Variants in GRM1 observed in about 807,000 individuals in gnomAD.
GRM1 encodes metabotropic glutamate receptor 1.
GRM1 carries 33 observed loss-of-function variants against 90.9 expected under a neutral mutation model. That is an observed-to-expected ratio of 0.36 (90% CI 0.28 to 0.49). The LOEUF (loss-of-function observed/expected upper bound fraction) is 0.49. Ranked by LOEUF, GRM1 falls within the 20% of genes least tolerant of loss-of-function variation. The pLI is 0.99. For missense variants in GRM1, 1,190 were observed against 1,534.3 expected, an observed-to-expected ratio of 0.78 and a Z score of 3.75; for synonymous variants, 700 against 613.2, an observed-to-expected ratio of 1.14 and a Z score of -2.09.
chr6:146,160,001 A>G (rs558494656), intron 2 of GRM1: 1 of 167,466 alleles, frequency 6.0e-6, no homozygotes, highest in Admixed American at 5.6e-5. Flanking sequence ...CAGAAAAAAA[A>G]AAAAGATGGA....
rs1325039499 is a variant in GRM1 at position 146,214,821 on chromosome 6, C to G, written c.950+55224C>G. On this transcript the variant is annotated intron_variant, in intron 2 of 7. Coordinates refer to ENST00000282753, the MANE Select transcript of GRM1 (RefSeq NM_001278064.2). Reference sequence around the variant, plus strand: ...ACCAGAGAGGGAAATGCATGAAGTTCAGTGAGGAATGGCCAGTCTGAGGGC... The same window carrying G: ...ACCAGAGAGGGAAATGCATGAAGTTGAGTGAGGAATGGCCAGTCTGAGGGC... Among the ~76,000 whole-genome samples, 4 of 151,990 alleles carry G rather than the reference C, an allele frequency of 2.6e-5. No individual in the cohort carries two copies. In the East Asian group the frequency reaches 7.7e-4, roughly 29 times the overall value.
chr6:146,398,891 C>G lies in GRM1; in HGVS notation c.1852C>G (p.Arg618Gly). The part of the protein sequence containing the change: ...LFVTLIFVLY[R>G]DTPVVKSSSR... Reference sequence around the variant, plus strand: ...TGTCACCCTAATCTTTGTACTGTACCGGGACACACCAGTGGTCAAATCCTC... The same window carrying G: ...TGTCACCCTAATCTTTGTACTGTACGGGGACACACCAGTGGTCAAATCCTC... The change falls in exon 7 of 8, where the codon CGG (arginine) becomes GGG (glycine). Residue 618 changes from arginine to glycine, a missense_variant. Transcript: ENST00000282753. The G allele has an allele frequency of 6.2e-7, 1 of 1,613,768 alleles. No individual in the cohort carries two copies. Among genetic ancestry groups the G allele is most frequent in the Non-Finnish European group, 8.5e-7 (1 of 1,179,794 alleles).
intron 4 of GRM1, 123 bp from the exon 5 acceptor site, chr6:146,357,403 G>T: frequency 1.3e-6 from 1 of 762,160 alleles, no homozygotes; most frequent in Admixed American, 2.0e-5. Flanking sequence ...TAAAATATTG[G>T]CAGTAGCTGA....
At chr6:146,208,683 G>A (rs1022403700) in intron 2 of GRM1, among the ~76,000 whole-genome samples, 6 of 152,006 alleles carry the variant, frequency 3.9e-5, no homozygotes, top group Admixed American at 3.9e-4. Flanking sequence ...ATACATATAT[G>A]TATGAAATGC....
Position 146,352,479 on chromosome 6 carries a change from A to G in GRM1, c.1416A>G (p.Lys472=). The change falls in exon 4 of 8, where the codon AAA becomes AAG. Residue 472 remains lysine (K), a synonymous_variant. Transcript: ENST00000282753. ...VSGEEVWFDE[K]GDAPGRYDIM... Reference sequence around the variant, plus strand: ...GAGAGGAGGTGTGGTTTGATGAGAAAGGAGACGCTCCTGGAAGGTAATCTT... The same window carrying G: ...GAGAGGAGGTGTGGTTTGATGAGAAGGGAGACGCTCCTGGAAGGTAATCTT... 5.6e-6 allele frequency: 9 copies of G among 1,613,950 alleles called. No individual in the cohort carries two copies. Among genetic ancestry groups the G allele is most frequent in the Non-Finnish European group, 7.6e-6 (9 of 1,179,860 alleles).
intron 2 of GRM1, among the ~76,000 whole-genome samples, chr6:146,275,964 T>C (rs9497519): frequency 0.21 from 31,643 of 151,768 alleles, 7,289 homozygotes; most frequent in African/African-American, 0.58. Flanking sequence ...TTCCAATAGA[T>C]GAGGAAGAGA....
chr6:146,259,499 C>G (rs1383155484), intron 2 of GRM1, among the ~76,000 whole-genome samples: 1 of 152,120 alleles, frequency 6.6e-6, no homozygotes, highest in Admixed American at 6.6e-5. Context: ...ATTGTACTCT[C>G]TGCTTTTATG....
intron 7 of GRM1, among the ~76,000 whole-genome samples, chr6:146,416,777 G>T (rs114615044): frequency 0.013 from 1,960 of 152,164 alleles, 47 homozygotes; most frequent in African/African-American, 0.045. Flanking sequence ...GGGTTCCGAT[G>T]GTGTACTTGA....
intron 1 of GRM1, among the ~76,000 whole-genome samples, chr6:146,109,953 G>A (rs1775492959): frequency 6.6e-6 from 1 of 152,214 alleles, no homozygotes; most frequent in Non-Finnish European, 1.5e-5. Context: ...TGGAATGGCT[G>A]TATTTTCCCA....
intron 1 of GRM1, among the ~76,000 whole-genome samples, chr6:146,097,436 CAAGT>C (rs1397063819): frequency 2.0e-5 from 3 of 152,056 alleles, no homozygotes; most frequent in Admixed American, 6.6e-5. Flanking sequence ...CCTAAAATAA[CAAGT>C]AAGTGTCAGT....
chr6:146,261,520 A>G (rs1781696550), intron 2 of GRM1, among the ~76,000 whole-genome samples: 1 of 152,176 alleles, frequency 6.6e-6, no homozygotes, highest in Non-Finnish European at 1.5e-5. Flanking sequence ...TTCTAAACTA[A>G]TTCTGACTGT....
At chr6:146,179,691 G>C (rs1348592402) in intron 2 of GRM1, among the ~76,000 whole-genome samples, 1 of 152,050 alleles carries the variant, frequency 6.6e-6, no homozygotes, top group Non-Finnish European at 1.5e-5. Context: ...TTTATTTTTT[G>C]TATTTTTAGT....
intron 1 of GRM1, among the ~76,000 whole-genome samples, chr6:146,156,912 G>C (rs1008265448): frequency 6.6e-6 from 1 of 152,186 alleles, no homozygotes; most frequent in Non-Finnish European, 1.5e-5. Flanking sequence ...TAGATGTCTG[G>C]AAGAAGTAGA....
chr6:146,191,415 G>A (rs554262280), intron 2 of GRM1, among the ~76,000 whole-genome samples: 1 of 152,070 alleles, frequency 6.6e-6, no homozygotes, highest in Non-Finnish European at 1.5e-5. Flanking sequence ...TTTCCTCTTC[G>A]GTGATTCCTC....
In GRM1 at chr6:146,426,964, T is replaced by C. The variant is rs190536930; in HGVS notation, c.2661-6908T>C. The stretch of plus-strand genomic sequence containing the variant: ...TTTCCCCCTTCAGAAATTTGTCAGC[T>C]TCTCCTTGGCAAACAGAGCTCTTTC... On this transcript the variant is annotated intron_variant, in intron 7 of 7. Transcript: ENST00000282753. Among the ~76,000 whole-genome samples the C allele has an allele frequency of 2.0e-5, 3 of 152,336 alleles. No homozygotes were observed. In the East Asian group the frequency reaches 5.8e-4, roughly 29 times the overall value.
At chr6:146,070,517 G>A (rs1775987260) in intron 1 of GRM1, among the ~76,000 whole-genome samples, 1 of 152,036 alleles carries the variant, frequency 6.6e-6, no homozygotes, top group Non-Finnish European at 1.5e-5. Context: ...ATTGGATCAC[G>A]GCATCTCCCA....
chr6:146,159,681 G>A (rs1173996202), intron 2 of GRM1, 84 bp downstream of exon 2: 14 of 1,394,598 alleles, frequency 1.0e-5, no homozygotes, highest in Non-Finnish European at 1.4e-5. Flanking sequence ...AAACACATAT[G>A]CTTGCTTTCA....
intron 7 of GRM1, among the ~76,000 whole-genome samples, chr6:146,400,926 T>G (rs1777135870): frequency 6.6e-6 from 1 of 152,132 alleles, no homozygotes; most frequent in African/African-American, 2.4e-5. Flanking sequence ...TATTTATTAT[T>G]ATTATTTTCT....
chr6:146,365,018 T>A (rs988797890), intron 5 of GRM1: 2 of 152,152 alleles, frequency 1.3e-5, no homozygotes, highest in African/African-American at 4.8e-5. Context: ...TGGCATCCAG[T>A]AAAACAATGA....
Sources: gnomAD v4.1 joint callset for allele counts (sites outside exome capture counted in the v4.1 genomes callset) on GRCh38, gnomAD v4.1.1 for gene constraint, MANE v1.5 for transcripts, NCBI Gene and HGNC (gene_info 2026-07-23, HGNC 2026-07-21) for gene names.